TTC1: variants seen among roughly 807,000 people sequenced by gnomAD.
The protein encoded by TTC1 is tetratricopeptide repeat protein 1.
In TTC1, 31 loss-of-function variants were observed where a neutral mutation model predicts 37.6. The observed-to-expected ratio is 0.82, with a 90% CI of 0.62 to 1.11. The LOEUF is 1.11. Among genes scored for constraint, TTC1 ranks in the 50% most tolerant of loss-of-function variants. TTC1 has a pLI of 0.00. For synonymous variants in TTC1, 127 were observed against 122.4 expected, an observed-to-expected ratio of 1.04 and a Z score of -0.25; for missense variants, 351 against 339.0, an observed-to-expected ratio of 1.04 and a Z score of -0.28.
chr5:160,045,520 A>ACTCTCTCT (rs749296749), intron 5 of TTC1, among the ~76,000 whole-genome samples: 4 of 54,884 alleles, frequency 7.3e-5, no homozygotes, highest in Non-Finnish European at 9.8e-5. Flanking sequence ...ACACATACAC[A>ACTCTCTCT]CTCTCTCTCT....
chr5:160,053,420 C>T (rs1048312570), intron 7 of TTC1, among the ~76,000 whole-genome samples: 1 of 152,012 alleles, frequency 6.6e-6, no homozygotes, highest in Admixed American at 6.6e-5. Context: ...AAAAATTAGC[C>T]AGGTGTGCTG....
chr5:160,042,182 G>A (rs541587068), intron 4 of TTC1, among the ~76,000 whole-genome samples: 1 of 152,152 alleles, frequency 6.6e-6, no homozygotes, highest in African/African-American at 2.4e-5. Flanking sequence ...CGCCCACCTT[G>A]GTCCTCCAAA....
chr5:160,024,037 A>G, intron 2 of TTC1: 4 of 1,311,690 alleles, frequency 3.0e-6, no homozygotes, highest in Non-Finnish European at 4.4e-6. Context: ...TCTTGCAGGT[A>G]GTGTTCAATC....
intron 4 of TTC1, 64 bp downstream of exon 4, chr5:160,036,867 T>C: frequency 1.7e-6 from 2 of 1,209,760 alleles, no homozygotes; most frequent in Non-Finnish European, 2.4e-6. Flanking sequence ...CATACCATAG[T>C]TTCTCTCCAG....
chr5:160,045,107 A>T (rs1025348367), intron 5 of TTC1, among the ~76,000 whole-genome samples: 5 of 152,150 alleles, frequency 3.3e-5, no homozygotes, highest in African/African-American at 7.2e-5. Context: ...TTAAATTAGG[A>T]ACAAGCTGCT....
chr5:160,046,971 C>G (rs1371798080), intron 5 of TTC1, among the ~76,000 whole-genome samples: 1 of 152,074 alleles, frequency 6.6e-6, no homozygotes, highest in East Asian at 1.9e-4. Context: ...GAGATCACGC[C>G]ATTACACTCC....
chr5:160,054,864 G>C (rs1013869886), intron 7 of TTC1, among the ~76,000 whole-genome samples: 1 of 152,010 alleles, frequency 6.6e-6, no homozygotes, highest in African/African-American at 2.4e-5. Flanking sequence ...TAGGTAAATA[G>C]GAAAAAAAAC....
chr5:160,040,232 A>G (rs903734128), intron 4 of TTC1, among the ~76,000 whole-genome samples: 6 of 152,110 alleles, frequency 3.9e-5, no homozygotes, highest in Non-Finnish European at 7.4e-5. Flanking sequence ...GTGCATCTAT[A>G]TATATAGATA....
At chr5:160,027,431 A>G (rs1262614638) in intron 2 of TTC1, among the ~76,000 whole-genome samples, 1 of 152,154 alleles carries the variant, frequency 6.6e-6, no homozygotes, top group Non-Finnish European at 1.5e-5. Context: ...TATCGTTGTC[A>G]TGTACATTTT....
At chr5:160,013,202 G>C (rs934892350) in intron 2 of TTC1, among the ~76,000 whole-genome samples, 1 of 152,116 alleles carries the variant, frequency 6.6e-6, no homozygotes, top group African/African-American at 2.4e-5. Context: ...ATTGCCTTCA[G>C]CTAACTGTGG....
intron 7 of TTC1, among the ~76,000 whole-genome samples, chr5:160,056,102 C>T (rs149406311): frequency 1.3e-5 from 2 of 152,304 alleles, no homozygotes; most frequent in East Asian, 3.9e-4. Flanking sequence ...CAAGAGCTGC[C>T]AGGTGCCTAT....
intron 2 of TTC1, among the ~76,000 whole-genome samples, chr5:160,034,759 G>GT (rs1200690343): frequency 6.6e-6 from 1 of 152,150 alleles, no homozygotes; most frequent in Non-Finnish European, 1.5e-5. Context: ...CACATAACTA[G>GT]TAAGTACTAG....
intron 4 of TTC1, among the ~76,000 whole-genome samples, chr5:160,041,827 C>T (rs1161535259): frequency 6.6e-6 from 1 of 152,300 alleles, no homozygotes; most frequent in East Asian, 1.9e-4. Context: ...TGACTGTATA[C>T]AATTCTGTGG....
chr5:160,010,253 G>A (rs1756471474), intron 1 of TTC1, among the ~76,000 whole-genome samples: 1 of 101,400 alleles, frequency 9.9e-6, no homozygotes, highest in Admixed American at 1.3e-4. Flanking sequence ...CTGAGATTAA[G>A]TCTCAAAAAA....
At chr5:160,041,085 A>G (rs1757082713) in intron 4 of TTC1, among the ~76,000 whole-genome samples, 1 of 152,048 alleles carries the variant, frequency 6.6e-6, no homozygotes, top group Non-Finnish European at 1.5e-5. Context: ...GAAGGTCCTC[A>G]AGAGCGACAC....
chr5:160,035,081 C>A, intron 2 of TTC1, 59 bp from the exon 3 acceptor site: 2 of 1,455,058 alleles, frequency 1.4e-6, no homozygotes, highest in Non-Finnish European at 1.8e-6. Flanking sequence ...GAAAGCTCAC[C>A]TTTTTGTTCA....
chr5:160,032,702 C>CTTT lies in TTC1; in HGVS notation c.331-2410_331-2408dup, dbSNP rs70987990. Among the ~76,000 whole-genome samples, 520 of 74,754 alleles carry CTTT rather than the reference C, an allele frequency of 7.0e-3. 62 individuals are homozygous for CTTT. The highest frequency in any genetic ancestry group is 0.026 in the East Asian group (58 of 2,218). The allele number at this position is 74,754 out of a possible 152,430, so 49.0% of individuals were successfully genotyped here. A position where few individuals can be genotyped will look rare whatever the true frequency, so the allele number is the denominator to read the frequency against. ...AGCCTCCTTGAGTTCTACCTGCTTT[C>CTTT]TTTTTTTTTTTTTTTTTTTTTTTTT... is the stretch of plus-strand genomic sequence containing the variant. On this transcript the variant is annotated intron_variant, in intron 2 of 7. Coordinates refer to ENST00000231238, the MANE Select transcript of TTC1 (RefSeq NM_003314.3).
intron 2 of TTC1, among the ~76,000 whole-genome samples, chr5:160,024,259 A>C (rs1756763024): frequency 6.6e-6 from 1 of 152,172 alleles, no homozygotes; most frequent in African/African-American, 2.4e-5. Flanking sequence ...TTCTATTTTA[A>C]CTTTTTATTT....
At chr5:160,020,734 ATCACTGTCTC>A in intron 2 of TTC1, among the ~76,000 whole-genome samples, 1 of 152,350 alleles carries the variant, frequency 6.6e-6, no homozygotes, top group Non-Finnish European at 1.5e-5. Flanking sequence ...CTGATAGTCT[ATCACTGTCTC>A]TCATCACCCC....
Sources: gnomAD v4.1 joint callset for allele counts (sites outside exome capture counted in the v4.1 genomes callset) on GRCh38, gnomAD v4.1.1 for gene constraint, MANE v1.5 for transcripts, NCBI Gene and HGNC (gene_info 2026-07-23, HGNC 2026-07-21) for gene names.